The following ALDH1A2 variants were observed in gnomAD, a reference collection of about 807,000 sequenced individuals.
The protein encoded by ALDH1A2 is aldehyde dehydrogenase 1 family member A2.
A neutral mutation model predicts 60.3 loss-of-function variants in ALDH1A2; 27 were observed. The ratio of observed to expected loss-of-function variants is 0.45; its 90% CI spans 0.33 to 0.62. The LOEUF (loss-of-function observed/expected upper bound fraction) is 0.62. ALDH1A2 is among the 20% of genes least tolerant of loss of function. The pLI is 0.02. For synonymous variants in ALDH1A2, 289 were observed against 232.4 expected, an observed-to-expected ratio of 1.24 and a Z score of -2.21; for missense variants, 581 against 643.8, an observed-to-expected ratio of 0.90 and a Z score of 1.06.
At chr15:58,000,699 G>C (rs990669519) in intron 4 of ALDH1A2, among the ~76,000 whole-genome samples, 1 of 151,822 alleles carries the variant, frequency 6.6e-6, no homozygotes, top group African/African-American at 2.4e-5. Context: ...GATGCTATAT[G>C]GTGATTCTCA....
intron 12 of ALDH1A2, among the ~76,000 whole-genome samples, chr15:57,959,054 T>C (rs1362207302): frequency 6.6e-6 from 1 of 152,150 alleles, no homozygotes; most frequent in African/African-American, 2.4e-5. Context: ...CTGATGGGAA[T>C]AGACTAGACT....
chr15:58,002,585 C>G (rs188847744), intron 4 of ALDH1A2, among the ~76,000 whole-genome samples: 23 of 151,936 alleles, frequency 1.5e-4, no homozygotes, highest in Middle Eastern at 3.4e-3. Flanking sequence ...TCAGAAGAAT[C>G]TGAAATGTGC....
rs1892743265 is a variant in ALDH1A2 at position 57,954,291 on chromosome 15, T to C, written c.*906A>G. The stretch of plus-strand genomic sequence containing the variant: ...ATAATTGTTGCCCAATATTAGAAAC[T>C]GAATGATGTCTGCAAGGCATCCAGC... On this transcript the variant is annotated 3_prime_UTR_variant, in exon 13 of 13. Coordinates refer to ENST00000249750, the MANE Select transcript of ALDH1A2 (RefSeq NM_003888.4). The C allele has an allele frequency of 6.6e-6, 1 of 152,602 alleles. No homozygotes were observed. Among genetic ancestry groups the C allele is most frequent in the South Asian group, 2.1e-4 (1 of 4,838 alleles). The allele number at this position is 152,602 out of a possible 1,614,324, so 9.5% of individuals were successfully genotyped here.
chr15:58,024,597 C>T (rs1896024364), intron 1 of ALDH1A2, among the ~76,000 whole-genome samples: 1 of 152,100 alleles, frequency 6.6e-6, no homozygotes. Flanking sequence ...AGACAGACTA[C>T]AATACAATAG....
At chr15:58,036,082 T>C (rs1325412988) in intron 1 of ALDH1A2, among the ~76,000 whole-genome samples, 6 of 151,664 alleles carry the variant, frequency 4.0e-5, no homozygotes, top group Non-Finnish European at 8.9e-5. Flanking sequence ...ACATTTGCTA[T>C]TATAATATGA....
chr15:58,042,840 G>A (rs1896552035), intron 1 of ALDH1A2, among the ~76,000 whole-genome samples: 1 of 151,908 alleles, frequency 6.6e-6, no homozygotes, highest in South Asian at 2.1e-4. Context: ...TTTCTCTGGG[G>A]CACTGGATCA....
chr15:58,027,836 A>G (rs1436741941), intron 1 of ALDH1A2, among the ~76,000 whole-genome samples: 1 of 152,138 alleles, frequency 6.6e-6, no homozygotes, highest in African/African-American at 2.4e-5. Flanking sequence ...AAGCGAGAAA[A>G]TAAGATTAGA....
Position 58,065,590 on chromosome 15 carries a change from C to G in ALDH1A2, c.61G>C (p.Ala21Pro), listed in dbSNP as rs1361224225. Residue 21 changes from alanine to proline, a missense_variant, in exon 1 of 13, where the codon GCG becomes CCG. Coordinates refer to ENST00000249750, the MANE Select transcript of ALDH1A2 (RefSeq NM_003888.4). The stretch of plus-strand genomic sequence containing the variant: ...GGCGACGGCAGGAGGTGCAGCGACG[C>G]CATGAGGGCGGCGGGGTCGGCCTTC... ...EVKADPAALM[A>P]SLHLLPSPTP... The G allele has an allele frequency of 6.2e-7, 1 of 1,612,920 alleles. No individual in the cohort carries two copies. The highest frequency in any genetic ancestry group is 8.5e-7 in the Non-Finnish European group (1 of 1,179,376).
At chr15:57,965,898 C>G in intron 7 of ALDH1A2, 71 bp from the exon 8 acceptor site, 3 of 1,194,170 alleles carry the variant, frequency 2.5e-6, no homozygotes, top group African/African-American at 3.0e-5. Flanking sequence ...AATGCCAGCT[C>G]AGGGCATCAA....
chr15:57,955,085 A>G lies in ALDH1A2; in HGVS notation c.*112T>C. ...GCCTGGCCTACATGTTATCTTTTCAATCTTTAAGTAAGGACCGTGGCTCAA... is the reference window on the plus strand; with the variant it reads ...GCCTGGCCTACATGTTATCTTTTCAGTCTTTAAGTAAGGACCGTGGCTCAA... On this transcript the variant is annotated 3_prime_UTR_variant, in exon 13 of 13. Coordinates refer to ENST00000249750, the MANE Select transcript of ALDH1A2 (RefSeq NM_003888.4). The G allele has an allele frequency of 8.4e-7, 1 of 1,184,752 alleles. No individual in the cohort carries two copies. Among genetic ancestry groups the G allele is most frequent in the Non-Finnish European group, 1.3e-6 (1 of 789,006 alleles). 73.4% of individuals were successfully genotyped at this position (1,184,752 alleles called of 1,614,324 possible).
chr15:58,042,532 A>G (rs1228232818), intron 1 of ALDH1A2, among the ~76,000 whole-genome samples: 2 of 152,010 alleles, frequency 1.3e-5, no homozygotes, highest in African/African-American at 4.8e-5. Flanking sequence ...GCTAAAAGCA[A>G]AACAATGTAT....
At chr15:57,968,839 C>T (rs114673777) in intron 7 of ALDH1A2, among the ~76,000 whole-genome samples, 494 of 152,230 alleles carry the variant, frequency 3.2e-3, no homozygotes, top group African/African-American at 0.011. Flanking sequence ...CTAGAAATGT[C>T]GGCCAGTGAT....
At chr15:58,058,049 T>G in intron 1 of ALDH1A2, 4 of 1,533,930 alleles carry the variant, frequency 2.6e-6, no homozygotes, top group Non-Finnish European at 3.5e-6. Flanking sequence ...CCAAACAGTC[T>G]CACACTGATT....
chr15:58,033,350 T>C (rs1463275404), intron 1 of ALDH1A2, among the ~76,000 whole-genome samples: 1 of 152,034 alleles, frequency 6.6e-6, no homozygotes, highest in African/African-American at 2.4e-5. Flanking sequence ...TCTCCTTTCT[T>C]GCCTCTTAGT....
chr15:58,054,959 C>T (rs766711416), intron 1 of ALDH1A2, among the ~76,000 whole-genome samples: 24 of 152,036 alleles, frequency 1.6e-4, no homozygotes, highest in Non-Finnish European at 8.8e-5. Flanking sequence ...GGAATTGTTG[C>T]TTATGATAGC....
chr15:58,048,633 C>T (rs997519682), intron 1 of ALDH1A2, among the ~76,000 whole-genome samples: 5 of 151,904 alleles, frequency 3.3e-5, no homozygotes, highest in African/African-American at 9.7e-5. Flanking sequence ...AGGGGAATTA[C>T]GGTGACCTAT....
intron 1 of ALDH1A2, among the ~76,000 whole-genome samples, chr15:58,048,945 C>A (rs1196867000): frequency 6.6e-6 from 1 of 151,844 alleles, no homozygotes; most frequent in Non-Finnish European, 1.5e-5. Context: ...CCACAAATTT[C>A]CTTGTTTCCC....
chr15:57,986,273 G>A (rs915845732), intron 7 of ALDH1A2, among the ~76,000 whole-genome samples: 11 of 152,082 alleles, frequency 7.2e-5, no homozygotes, highest in Middle Eastern at 3.2e-3. Flanking sequence ...ATGGTATGAG[G>A]AGACCAAAGC....
intron 1 of ALDH1A2, among the ~76,000 whole-genome samples, chr15:58,035,553 G>C (rs1896358187): frequency 6.6e-6 from 1 of 151,398 alleles, no homozygotes; most frequent in African/African-American, 2.4e-5. Context: ...TATGCATTCA[G>C]TGTGATACAT....
Sources: gnomAD v4.1 joint callset for allele counts (sites outside exome capture counted in the v4.1 genomes callset) on GRCh38, gnomAD v4.1.1 for gene constraint, MANE v1.5 for transcripts, NCBI Gene and HGNC (gene_info 2026-07-23, HGNC 2026-07-21) for gene names.